The following XYLT1 variants were observed in gnomAD, a reference collection of about 807,000 sequenced individuals.
XYLT1 encodes xylosyltransferase 1.
XYLT1 carries 36 observed loss-of-function variants against 91.3 expected under a neutral mutation model. That is an observed-to-expected ratio of 0.39 (90% CI 0.30 to 0.52). XYLT1 has a LOEUF of 0.52. Ranked by LOEUF, XYLT1 falls within the 20% of genes least tolerant of loss-of-function variation. XYLT1 has a pLI of 0.68. For synonymous variants in XYLT1, 588 were observed against 532.0 expected, an observed-to-expected ratio of 1.11 and a Z score of -1.45; for missense variants, 1,242 against 1,284.5, an observed-to-expected ratio of 0.97 and a Z score of 0.51.
At chr16:17,140,037 A>G (rs2030915681) in intron 7 of XYLT1, among the ~76,000 whole-genome samples, 1 of 152,160 alleles carries the variant, frequency 6.6e-6, no homozygotes, top group African/African-American at 2.4e-5. Context: ...ATAGAAACGG[A>G]ACCAGCTCTG....
At chr16:17,244,272 G>A (rs1261700812) in intron 3 of XYLT1, among the ~76,000 whole-genome samples, 1 of 152,094 alleles carries the variant, frequency 6.6e-6, no homozygotes, top group Admixed American at 6.5e-5. Context: ...TGGGGCCTTG[G>A]GGGGTCTGTT....
rs112027889 is a variant in XYLT1, at chr16:17,221,242, A to G, written c.914-20588T>C. Among the ~76,000 whole-genome samples the G allele has an allele frequency of 9.0e-3, 1,368 of 152,334 alleles. 18 individuals are homozygous for G. Among genetic ancestry groups the G allele is most frequent in the African/African-American group, 0.03 (1,266 of 41,566 alleles). On this transcript the variant is annotated intron_variant, in intron 3 of 11. Coordinates refer to ENST00000261381, the MANE Select transcript of XYLT1 (RefSeq NM_022166.4). ...ACTGATTGGCAAAAAACAGGTCTCT[A>G]CTAAAAATGCTAACCCCAGAAACAA...
At chr16:17,227,687 C>T (rs1223505472) in intron 3 of XYLT1, 3 of 152,232 alleles carry the variant, frequency 2.0e-5, no homozygotes, top group Non-Finnish European at 4.4e-5. Context: ...TTTTAAAGCT[C>T]ACTCTGGAAG....
At chr16:17,130,494 T>C (rs1426529922) in intron 9 of XYLT1, among the ~76,000 whole-genome samples, 1 of 152,086 alleles carries the variant, frequency 6.6e-6, no homozygotes, top group Non-Finnish European at 1.5e-5. Context: ...TTATATTTTT[T>C]GAGATGGAGT....
At chr16:17,118,547 C>G (rs1452674692) in intron 10 of XYLT1, among the ~76,000 whole-genome samples, 1 of 152,080 alleles carries the variant, frequency 6.6e-6, no homozygotes, top group East Asian at 1.9e-4. Context: ...TTTGGCTTTC[C>G]CAAGGCACCT....
intron 5 of XYLT1, among the ~76,000 whole-genome samples, chr16:17,168,399 A>C (rs2031748009): frequency 6.6e-6 from 1 of 152,166 alleles, no homozygotes; most frequent in South Asian, 2.1e-4. Flanking sequence ...TTGGGTTCTC[A>C]CGGACATGAA....
intron 3 of XYLT1, among the ~76,000 whole-genome samples, chr16:17,244,733 T>C (rs2033407294): frequency 6.6e-6 from 1 of 152,210 alleles, no homozygotes; most frequent in Non-Finnish European, 1.5e-5. Flanking sequence ...AACAGTCACT[T>C]AGTATAGTAA....
At position 17,358,507 on chromosome 16, in the gene XYLT1, C is replaced by A. The variant is rs150182921; in HGVS notation, c.364-457G>T. Among the ~76,000 whole-genome samples the A allele has an allele frequency of 2.1e-3, 313 of 152,272 alleles. 1 individual carries two copies. The highest frequency in any genetic ancestry group is 7.0e-3 in the African/African-American group (289 of 41,562). Reference sequence around the variant, plus strand: ...CCACCCCACGGGGAGGGCAGCCCAACCTGTGTCCTCCATTCTACAGAGACA... The same window carrying A: ...CCACCCCACGGGGAGGGCAGCCCAAACTGTGTCCTCCATTCTACAGAGACA... On this transcript the variant is annotated intron_variant, in intron 1 of 11. Coordinates refer to ENST00000261381, the MANE Select transcript of XYLT1 (RefSeq NM_022166.4).
intron 9 of XYLT1, among the ~76,000 whole-genome samples, chr16:17,129,453 G>A (rs1026027500): frequency 6.6e-6 from 1 of 152,046 alleles, no homozygotes; most frequent in African/African-American, 2.4e-5. Context: ...GTAGAGACGG[G>A]GTTTCACCAT....
chr16:17,184,363 T>C (rs115259962), intron 5 of XYLT1, among the ~76,000 whole-genome samples: 303 of 152,170 alleles, frequency 2.0e-3, no homozygotes, highest in African/African-American at 6.9e-3. Flanking sequence ...AAATTCATTG[T>C]GTGGTCAAGC....
At chr16:17,405,343 G>C (rs1351956098) in intron 1 of XYLT1, among the ~76,000 whole-genome samples, 1 of 152,206 alleles carries the variant, frequency 6.6e-6, no homozygotes, top group African/African-American at 2.4e-5. Context: ...AAGGCCCAGT[G>C]GAGGGAGAAG....
At chr16:17,290,027 C>A (rs2034198114) in intron 2 of XYLT1, among the ~76,000 whole-genome samples, 1 of 152,178 alleles carries the variant, frequency 6.6e-6, no homozygotes, top group South Asian at 2.1e-4. Flanking sequence ...TTCATTTTTT[C>A]CATCTCTTTC....
intron 5 of XYLT1, chr16:17,194,130 C>T (rs1201441503): frequency 1.3e-5 from 2 of 152,182 alleles, no homozygotes; most frequent in Admixed American, 6.5e-5. Context: ...CTTGGATGTA[C>T]CTTACGTATA....
At chr16:17,113,761 G>T (rs1966846899) in intron 11 of XYLT1, among the ~76,000 whole-genome samples, 1 of 152,196 alleles carries the variant, frequency 6.6e-6, no homozygotes, top group Non-Finnish European at 1.5e-5. Context: ...TGACACAGTT[G>T]TCATGCTTCA....
At chr16:17,309,325 T>C (rs915074039) in intron 2 of XYLT1, among the ~76,000 whole-genome samples, 2 of 152,188 alleles carry the variant, frequency 1.3e-5, no homozygotes, top group African/African-American at 4.8e-5. Context: ...TGGGGAGGCC[T>C]AATTACCCCC....
chr16:17,282,206 A>T (rs1246956941), intron 2 of XYLT1, among the ~76,000 whole-genome samples: 1 of 152,158 alleles, frequency 6.6e-6, no homozygotes, highest in Admixed American at 6.5e-5. Flanking sequence ...TCCTATTTCT[A>T]AAATGGAGAA....
chr16:17,108,384 C>G lies in XYLT1; in HGVS notation c.*311G>C. 1 of 313,058 alleles carries G rather than the reference C, an allele frequency of 3.2e-6. No individual in the cohort carries two copies. Among genetic ancestry groups the G allele is most frequent in the Non-Finnish European group, 5.8e-6 (1 of 171,214 alleles). 19.4% of individuals were successfully genotyped at this position (313,058 alleles called of 1,614,324 possible). On this transcript the variant is annotated 3_prime_UTR_variant, in exon 12 of 12. Transcript: ENST00000261381. Reference sequence around the variant, plus strand: ...CTGCTCGAAAGAAAAGTCTGAAAATCACACGTCTGGGGTCAGGGGTGGGTC... The same window carrying G: ...CTGCTCGAAAGAAAAGTCTGAAAATGACACGTCTGGGGTCAGGGGTGGGTC...
intron 3 of XYLT1, among the ~76,000 whole-genome samples, chr16:17,217,231 G>T (rs1353585549): frequency 1.3e-5 from 2 of 152,086 alleles, no homozygotes; most frequent in Non-Finnish European, 2.9e-5. Flanking sequence ...TGCAGTTCCT[G>T]GGAGAAAACC....
At chr16:17,278,425 G>A (rs1023452913) in intron 2 of XYLT1, among the ~76,000 whole-genome samples, 2 of 152,152 alleles carry the variant, frequency 1.3e-5, no homozygotes, top group African/African-American at 2.4e-5. Context: ...AGGTGGGTGG[G>A]TCACTACCTC....
Sources: allele counts gnomAD v4.1 joint callset (sites outside exome capture counted in the v4.1 genomes callset), GRCh38; gene constraint gnomAD v4.1.1; transcripts MANE v1.5; gene names NCBI Gene and HGNC (gene_info 2026-07-23, HGNC 2026-07-21).